Variants in PXDN observed in about 807,000 individuals in gnomAD.
PXDN encodes peroxidasin.
PXDN carries 77 observed loss-of-function variants against 140.3 expected under a neutral mutation model. That is an observed-to-expected ratio of 0.55 (90% CI 0.46 to 0.66). The LOEUF (loss-of-function observed/expected upper bound fraction) is 0.66, where lower values mean the gene tolerates loss of function less well. PXDN is among the 30% of genes least tolerant of loss of function. The pLI is 0.00. For missense variants in PXDN, 1,838 were observed against 2,039.5 expected (o/e 0.90, Z 1.90); for synonymous variants, 911 against 857.4 (o/e 1.06, Z -1.09).
intron 1 of PXDN, among the ~76,000 whole-genome samples, chr2:1,742,689 C>G (rs115922679): frequency 0.031 from 4,708 of 152,266 alleles, 202 homozygotes; most frequent in South Asian, 0.17. Context: ...AAACCTCACC[C>G]GGCTCCATTC....
At chr2:1,734,618 C>T (rs1245244019) in intron 1 of PXDN, among the ~76,000 whole-genome samples, 2 of 152,204 alleles carry the variant, frequency 1.3e-5, no homozygotes, top group Non-Finnish European at 2.9e-5. Context: ...CCTCTAATCC[C>T]AGCACTTTGG....
Position 1,744,373 on chromosome 2 carries a change from A to T in PXDN, c.83T>A (p.Val28Glu), listed in dbSNP as rs1322738234. The T allele has an allele frequency of 6.6e-7, 1 of 1,526,544 alleles. No homozygotes were observed. The highest frequency in any genetic ancestry group is 2.5e-5 in the East Asian group (1 of 39,966). The allele number at this position is 1,526,544 out of a possible 1,614,324, so 94.6% of individuals were successfully genotyped here. A position where few individuals can be genotyped will look rare whatever the true frequency, so the allele number is the denominator to read the frequency against. ...LFCAWGTLAV[V>E]AQKPGAGCPS... ...ACACCCTGCGCCCGGCTTCTGGGCC[A>T]CCACGGCCAGCGTCCCCCAGGCGCA... is the stretch of plus-strand genomic sequence containing the variant. Residue 28 changes from valine to glutamate, a missense_variant, in exon 1 of 23, where the codon GTG becomes GAG. By Grantham distance (121) the Val-to-Glu change is moderately radical. This residue lies in a region of PXDN where 231 missense variants were observed against 201.5 expected (regional missense o/e 1.15). Transcript: ENST00000252804.
Position 1,687,513 on chromosome 2 carries a change from C to T in PXDN, c.416+119G>A. ...TCCGTCATCATGCACGTACTCCCCG[C>T]ACCTCAGGTAGCATAGTCATGCATC... On this transcript the variant is annotated intron_variant, in intron 4 of 22. Transcript: ENST00000252804. The surrounding 1 kb of genome is among the most constrained non-coding windows in gnomAD (Gnocchi z 4.0). 1.5e-6 allele frequency: 1 copy of T among 676,292 alleles called. No homozygotes were observed. Among genetic ancestry groups the T allele is most frequent in the African/African-American group, 1.8e-5 (1 of 55,162 alleles). 41.9% of individuals were successfully genotyped at this position (676,292 alleles called of 1,614,324 possible).
intron 21 of PXDN, chr2:1,635,921 G>A: frequency 3.0e-6 from 1 of 336,406 alleles, no homozygotes; most frequent in Non-Finnish European, 5.7e-6. Context: ...TTCTCTGGAA[G>A]CACGGGGCCC....
At chr2:1,703,055 G>T (rs1248550505) in intron 1 of PXDN, among the ~76,000 whole-genome samples, 11 of 21,988 alleles carry the variant, frequency 5.0e-4, no homozygotes, top group African/African-American at 9.3e-4. Context: ...CAGGTGAAGG[G>T]AGGGCAGCTC....
At position 1,692,005 on chromosome 2, in the gene PXDN, A is replaced by T. The variant is rs369008958; in HGVS notation, c.273-6T>A. The T allele has an allele frequency of 5.3e-6, 8 of 1,506,438 alleles. No individual in the cohort carries two copies. The African/African-American group carries it at 9.8e-5, about 18-fold the overall frequency. The allele number at this position is 1,506,438 out of a possible 1,614,324, so 93.3% of individuals were successfully genotyped here. A position where few individuals can be genotyped will look rare whatever the true frequency, so the allele number is the denominator to read the frequency against. ...TCTGATTATTATTGAGAAGCCTATG[A>T]AAGAGAGTCGATAAGAATTTTAAAA... On this transcript the variant is annotated splice_region_variant and splice_polypyrimidine_tract_variant and intron_variant, in intron 2 of 22. Coordinates refer to ENST00000252804, the MANE Select transcript of PXDN (RefSeq NM_012293.3).
chr2:1,701,524 T>G (rs1167311682), intron 1 of PXDN, among the ~76,000 whole-genome samples: 1 of 152,022 alleles, frequency 6.6e-6, no homozygotes, highest in East Asian at 1.9e-4. Context: ...GTAGGACCAC[T>G]GAGGTGGGAA....
intron 1 of PXDN, among the ~76,000 whole-genome samples, chr2:1,742,164 A>G (rs1434207507): frequency 6.6e-6 from 1 of 152,240 alleles, no homozygotes; most frequent in East Asian, 1.9e-4. Context: ...GGCCACAGGA[A>G]TAGCGTCAGG....
intron 1 of PXDN, among the ~76,000 whole-genome samples, chr2:1,723,380 G>A (rs575087937): frequency 1.1e-3 from 164 of 152,034 alleles, no homozygotes; most frequent in Admixed American, 8.0e-3. Flanking sequence ...ATAAACTAAT[G>A]AATGAATAGA....
At chr2:1,638,705 C>T (rs1237795497) in intron 21 of PXDN, 141 bp downstream of exon 21, 3 of 1,333,034 alleles carry the variant, frequency 2.3e-6, no homozygotes, top group Non-Finnish European at 2.1e-6. Context: ...GAAATGACAC[C>T]CCCAAGGCTC....
Position 1,649,160 on chromosome 2 carries a change from G to A in PXDN, c.2620C>T (p.Arg874Cys), listed in dbSNP as rs201983337. 4.6e-5 allele frequency: 74 copies of A among 1,611,506 alleles called. No individual in the cohort carries two copies. In the African/African-American group the frequency reaches 7.6e-4, roughly 17 times the overall value. ...CTGGAGCGCACGAAGAACATGCAGC[G>A]GGCCCCGCTCCTGGCCCGGGAGTCA... ...PNDSRARSGA[R>C]CMFFVRSSPV... Residue 874 changes from arginine to cysteine, a missense_variant, in exon 17 of 23, where the codon CGC becomes TGC. By Grantham distance (180) the Arg-to-Cys change is radical (BLOSUM62 -3). This residue lies in a region of PXDN where 850 missense variants were observed against 894.1 expected (regional missense o/e 0.95). Coordinates refer to ENST00000252804, the MANE Select transcript of PXDN (RefSeq NM_012293.3). The surrounding 1 kb of genome is among the most constrained non-coding windows in gnomAD (Gnocchi z 7.1).
chr2:1,647,278 T>A (rs548303041), intron 17 of PXDN, among the ~76,000 whole-genome samples: 1 of 152,270 alleles, frequency 6.6e-6, no homozygotes, highest in African/African-American at 2.4e-5. Context: ...GTAAAAGATG[T>A]GAATATCTAG....
At chr2:1,694,743 G>A (rs562181765) in intron 1 of PXDN, among the ~76,000 whole-genome samples, 67 of 152,298 alleles carry the variant, frequency 4.4e-4, no homozygotes, top group African/African-American at 1.5e-3. Flanking sequence ...CAGAAGCATC[G>A]AAACTGGGAG....
Position 1,683,994 on chromosome 2 carries a change from G to C in PXDN, c.488+86C>G, listed in dbSNP as rs1683984715. The stretch of plus-strand genomic sequence containing the variant: ...ATATTGAAACAGTTTTCAGGTGTTT[G>C]GTAGATATTGACCTTAATCTAACCA... On this transcript the variant is annotated intron_variant, in intron 5 of 22. Transcript: ENST00000252804. The C allele has an allele frequency of 4.8e-6, 6 of 1,261,146 alleles. No individual in the cohort carries two copies. The Admixed American group carries it at 7.5e-5, about 16-fold the overall frequency. The allele number at this position is 1,261,146 out of a possible 1,614,324, so 78.1% of individuals were successfully genotyped here. A position where few individuals can be genotyped will look rare whatever the true frequency, so the allele number is the denominator to read the frequency against.
chr2:1,654,549 G>A, intron 14 of PXDN, 41 bp from the exon 15 acceptor site: 1 of 1,319,018 alleles, frequency 7.6e-7, no homozygotes. Flanking sequence ...GAAAAATACT[G>A]CACAATTACT....
In PXDN at chr2:1,677,001, G is replaced by C. The variant is rs755249368; in HGVS notation, c.774C>G (p.Thr258=). The change falls in exon 8 of 23, where the codon ACC becomes ACG. Residue 258 remains threonine, a synonymous_variant. Transcript: ENST00000252804. ...AGGTGAAGTACACGGTGTTCCCCGA[G>C]GTCACATCTGCGTCCTGGGGCTCGG... is the stretch of plus-strand genomic sequence containing the variant. ...ITSEPQDADV[T]SGNTVYFTCR... The C allele has an allele frequency of 1.2e-6, 2 of 1,612,500 alleles. No individual in the cohort carries two copies. The highest frequency in any genetic ancestry group is 1.7e-6 in the Non-Finnish European group (2 of 1,179,348).
chr2:1,641,234 CT>C (rs1682721096), intron 19 of PXDN, among the ~76,000 whole-genome samples: 1 of 152,212 alleles, frequency 6.6e-6, no homozygotes, highest in Non-Finnish European at 1.5e-5. Flanking sequence ...TCACTGCAAC[CT>C]CTGCCTCTTG....
rs1683628846 is a variant in PXDN at position 1,673,647 on chromosome 2, A to G, written c.1014T>C (p.Ser338=). 1.2e-6 allele frequency: 2 copies of G among 1,608,242 alleles called. No individual in the cohort carries two copies. Among genetic ancestry groups the G allele is most frequent in the African/African-American group, 2.7e-5 (2 of 74,826 alleles). The change falls in exon 9 of 23, where the codon TCT becomes TCC. Residue 338 remains serine, a synonymous_variant. Coordinates refer to ENST00000252804, the MANE Select transcript of PXDN (RefSeq NM_012293.3). ...TQEVTLRYFG[S]PARPTFVIQP... The stretch of plus-strand genomic sequence containing the variant: ...TGTGAAATGCCCGCCACATACCTGG[A>G]GACCCGAAGTACCTGAGGGTCACCT...
At position 1,673,655 on chromosome 2, in the gene PXDN, AGTACCTGAGG is replaced by A; in HGVS notation, c.996_1005del (p.Leu333SerfsTer10). The A allele has an allele frequency of 6.2e-7, 1 of 1,610,642 alleles. No individual in the cohort carries two copies. The highest frequency in any genetic ancestry group is 8.5e-7 in the Non-Finnish European group (1 of 1,177,530). On this transcript the variant is annotated frameshift_variant, in exon 9 of 23. Coordinates refer to ENST00000252804, the MANE Select transcript of PXDN (RefSeq NM_012293.3). LOFTEE classifies it high-confidence loss of function. Reference sequence around the variant, plus strand: ...GCCCGCCACATACCTGGAGACCCGAAGTACCTGAGGGTCACCTCTTGCGTCTTCACCTCTC... The same window carrying A: ...GCCCGCCACATACCTGGAGACCCGAAGTCACCTCTTGCGTCTTCACCTCTC...
Sources: gnomAD v4.1 joint callset for allele counts (sites outside exome capture counted in the v4.1 genomes callset) on GRCh38, gnomAD v4.1.1 for gene constraint, gnomAD v4.1.1 regional missense constraint, Gnocchi (gnomAD v3.1) non-coding constraint, MANE v1.5 for transcripts, NCBI Gene and HGNC (gene_info 2026-07-23, HGNC 2026-07-21) for gene names.